Variants in ACTR3C observed in about 807,000 individuals in gnomAD.
ACTR3C encodes the protein actin-related protein 3C.
A neutral mutation model predicts 26.3 loss-of-function variants in ACTR3C; 18 were observed. The observed-to-expected ratio is 0.68, with a 90% CI of 0.47 to 1.01. The LOEUF (loss-of-function observed/expected upper bound fraction) is 1.01. Ranked by LOEUF, ACTR3C falls within the 50% of genes least tolerant of loss-of-function variation. ACTR3C has a pLI of 0.00. For synonymous variants in ACTR3C, 55 were observed against 94.5 expected, an observed-to-expected ratio of 0.58 and a Z score of 2.42; for missense variants, 184 against 250.7, an observed-to-expected ratio of 0.73 and a Z score of 1.80.
At chr7:150,128,792 G>A in the ACTR3C span, among the ~76,000 whole-genome samples, 9 of 151,988 alleles carry the variant, frequency 5.9e-5, no homozygotes, top group South Asian at 2.1e-4. Context: ...AAAAATACAC[G>A]AATGATGTGT....
chr7:150,231,653 A>G, the ACTR3C span, among the ~76,000 whole-genome samples: 16 of 151,124 alleles, frequency 1.1e-4, no homozygotes, highest in Non-Finnish European at 2.1e-4. Flanking sequence ...AGTTAAGACA[A>G]TCTCCAAATA....
chr7:150,028,115 A>C, the ACTR3C span, among the ~76,000 whole-genome samples: 1 of 152,312 alleles, frequency 6.6e-6, no homozygotes, highest in Non-Finnish European at 1.5e-5. Context: ...TTCTAAGTCG[A>C]TATGTTTTAA....
the ACTR3C span, among the ~76,000 whole-genome samples, chr7:149,962,750 G>A: frequency 6.6e-6 from 1 of 152,148 alleles, no homozygotes; most frequent in African/African-American, 2.4e-5. Context: ...AGCACAAAAT[G>A]GGAAAAAGTA....
the ACTR3C span, among the ~76,000 whole-genome samples, chr7:150,083,550 G>A: frequency 6.6e-6 from 1 of 152,152 alleles, no homozygotes; most frequent in East Asian, 1.9e-4. Context: ...CTAGGTGACA[G>A]AGTGAGACCC....
At chr7:149,932,739 G>T in the ACTR3C span, among the ~76,000 whole-genome samples, 1 of 147,986 alleles carries the variant, frequency 6.8e-6, no homozygotes, top group East Asian at 2.1e-4. Context: ...GAGGGAAGGG[G>T]ACAGCAGGGC....
At chr7:149,954,965 A>C in the ACTR3C span, among the ~76,000 whole-genome samples, 2 of 152,252 alleles carry the variant, frequency 1.3e-5, 1 homozygote, top group Admixed American at 1.3e-4. Context: ...AGTAAATCAT[A>C]TTCAAATGTA....
the ACTR3C span, among the ~76,000 whole-genome samples, chr7:149,988,563 A>G: frequency 6.6e-6 from 1 of 152,246 alleles, no homozygotes; most frequent in Non-Finnish European, 1.5e-5. Context: ...TTTACAAGCA[A>G]GGAAAGAAGG....
chr7:150,259,347 G>GAAAA, intron 6 of ACTR3C, among the ~76,000 whole-genome samples: 1 of 151,830 alleles, frequency 6.6e-6, no homozygotes, highest in South Asian at 2.1e-4. Context: ...AAGAAAGACA[G>GAAAA]AGAAAGAAAG....
chr7:150,150,689 A>C, the ACTR3C span, among the ~76,000 whole-genome samples: 2 of 136,944 alleles, frequency 1.5e-5, no homozygotes, highest in Non-Finnish European at 1.6e-5. Context: ...GGGTTTCTTT[A>C]CTCTTATTTC....
chr7:150,281,486 C>A (rs913785143), intron 6 of ACTR3C, among the ~76,000 whole-genome samples: 2 of 150,850 alleles, frequency 1.3e-5, no homozygotes, highest in African/African-American at 4.9e-5. Context: ...TCTGGAGGGA[C>A]CCTACTCCAT....
the ACTR3C span, among the ~76,000 whole-genome samples, chr7:150,142,711 T>C: frequency 2.0e-5 from 3 of 152,014 alleles, no homozygotes; most frequent in African/African-American, 7.2e-5. Flanking sequence ...GTATTTTTAG[T>C]AGAGATGGGG....
the ACTR3C span, among the ~76,000 whole-genome samples, chr7:150,156,317 C>G: frequency 6.6e-6 from 1 of 151,998 alleles, no homozygotes; most frequent in Non-Finnish European, 1.5e-5. Context: ...ACTAATAGAA[C>G]AGCTCATCAA....
At chr7:149,996,578 T>TAAA in the ACTR3C span, among the ~76,000 whole-genome samples, 6 of 150,620 alleles carry the variant, frequency 4.0e-5, no homozygotes, top group African/African-American at 1.5e-4. Context: ...GCAGTTCTGG[T>TAAA]AAAAAAATAA....
chr7:149,908,706 CTTGA>C, the ACTR3C span, among the ~76,000 whole-genome samples: 3 of 152,170 alleles, frequency 2.0e-5, no homozygotes, highest in African/African-American at 7.2e-5. Flanking sequence ...TTCACTTTCT[CTTGA>C]TTAATACATC....
the ACTR3C span, among the ~76,000 whole-genome samples, chr7:149,959,795 G>A: frequency 6.6e-6 from 1 of 152,150 alleles, no homozygotes; most frequent in African/African-American, 2.4e-5. Context: ...TAACAAAAAG[G>A]TACAGGGAAG....
At chr7:149,992,148 G>A in the ACTR3C span, among the ~76,000 whole-genome samples, 1 of 152,234 alleles carries the variant, frequency 6.6e-6, no homozygotes, top group Non-Finnish European at 1.5e-5. Flanking sequence ...CAAAGGTTAA[G>A]AGCTGCAATG....
chr7:150,191,933 G>A, the ACTR3C span, among the ~76,000 whole-genome samples: 1 of 152,034 alleles, frequency 6.6e-6, no homozygotes. Context: ...TGTCTATCAC[G>A]AGTGGATATT....
the ACTR3C span, among the ~76,000 whole-genome samples, chr7:150,228,047 C>A: frequency 6.6e-6 from 1 of 152,070 alleles, no homozygotes; most frequent in Non-Finnish European, 1.5e-5. Context: ...AAAGGACTTG[C>A]AGATATTTGA....
chr7:149,960,373 A>G, the ACTR3C span, among the ~76,000 whole-genome samples: 1 of 152,232 alleles, frequency 6.6e-6, no homozygotes, highest in Non-Finnish European at 1.5e-5. Context: ...ACCAGGGTAA[A>G]TGAAATGCAC....
Sources: gnomAD v4.1 joint callset for allele counts (sites outside exome capture counted in the v4.1 genomes callset) on GRCh38, gnomAD v4.1.1 for gene constraint, MANE v1.5 for transcripts, NCBI Gene and HGNC (gene_info 2026-07-23, HGNC 2026-07-21) for gene names.